The following OTUD7A variants were observed in gnomAD, a reference collection of about 807,000 sequenced individuals.
OTUD7A encodes the protein OTU domain-containing protein 7A.
OTUD7A carries 12 observed loss-of-function variants against 65.7 expected under a neutral mutation model. The observed-to-expected ratio is 0.18, with a 90% confidence interval of 0.12 to 0.30. OTUD7A has a LOEUF of 0.30. Ranked by LOEUF, OTUD7A falls within the 10% of genes least tolerant of loss-of-function variation. The pLI, the probability that OTUD7A is intolerant of heterozygous loss-of-function variation, is 1.00. For synonymous variants in OTUD7A, 641 were observed against 586.3 expected (o/e 1.09, Z -1.35); for missense variants, 1,148 against 1,304.8 (o/e 0.88, Z 1.85).
intron 3 of OTUD7A, among the ~76,000 whole-genome samples, chr15:31,625,160 G>A (rs55933426): frequency 0.031 from 4,644 of 152,180 alleles, 234 homozygotes; most frequent in African/African-American, 0.11. Flanking sequence ...CCTGCTGACC[G>A]CCAGTGAAGA....
chr15:31,592,904 AATATATATATATATATATAT>A (rs1226266359), intron 3 of OTUD7A, among the ~76,000 whole-genome samples: 14 of 59,382 alleles, frequency 2.4e-4, no homozygotes, highest in Middle Eastern at 0.019. Flanking sequence ...AAAAAAAAAA[AATATATATATATATATATAT>A]ATATATATAT....
chr15:31,528,638 T>C (rs2338679), intron 6 of OTUD7A, among the ~76,000 whole-genome samples: 68,270 of 152,170 alleles, frequency 0.45, 16,880 homozygotes, highest in African/African-American at 0.67. Flanking sequence ...TCAGCTGCCT[T>C]CTGGGACTCT....
intron 3 of OTUD7A, among the ~76,000 whole-genome samples, chr15:31,584,864 TG>T (rs771211306): frequency 6.6e-6 from 1 of 152,188 alleles, no homozygotes; most frequent in Non-Finnish European, 1.5e-5. Context: ...ATTTATCTAG[TG>T]GAGTATAGAA....
chr15:31,789,806 A>G (rs2140935920), intron 1 of OTUD7A, among the ~76,000 whole-genome samples: 1 of 151,486 alleles, frequency 6.6e-6, no homozygotes, highest in Non-Finnish European at 1.5e-5. Context: ...CCCAGGTTCA[A>G]GCGATTCTCC....
intron 1 of OTUD7A, among the ~76,000 whole-genome samples, chr15:31,833,991 C>T (rs1222914381): frequency 3.3e-5 from 5 of 152,204 alleles, no homozygotes; most frequent in Non-Finnish European, 5.9e-5. Context: ...AACAGGGAGG[C>T]CGTGGAGGGC....
At chr15:31,536,856 G>A (rs2125621) in intron 5 of OTUD7A, among the ~76,000 whole-genome samples, 40,666 of 152,004 alleles carry the variant, frequency 0.27, 6,780 homozygotes, top group East Asian at 0.68. Context: ...GGTGAGGGAC[G>A]ATGAAGAGAA....
Position 31,484,536 on chromosome 15 carries a change from C to G in OTUD7A, c.1560G>C (p.Val520=). 1 of 1,611,216 alleles carries G rather than the reference C, an allele frequency of 6.2e-7. No homozygotes were observed. Among genetic ancestry groups the G allele is most frequent in the Non-Finnish European group, 8.5e-7 (1 of 1,179,984 alleles). ...TGCTGAAGCTGCCCAGCTTGTTGGC[C>G]ACGGAGTCGGCGCGCGTCTTGTCCT... ...KEKDKTRADS[V]ANKLGSFSKT... is the part of the protein sequence containing the mutation. The change falls in exon 13 of 13, where the codon GTG becomes GTC. Residue 520 remains valine, a synonymous_variant. Coordinates refer to ENST00000307050, the MANE Select transcript of OTUD7A (RefSeq NM_001382637.1). This position sits in a 1 kb window ranked among gnomAD's most constrained non-coding sequence, Gnocchi z 4.5.
intron 1 of OTUD7A, among the ~76,000 whole-genome samples, chr15:31,811,758 C>T (rs537386251): frequency 2.6e-5 from 4 of 152,306 alleles, no homozygotes; most frequent in South Asian, 2.1e-4. Context: ...GTCTGCCATC[C>T]GCCCAGTGCC....
chr15:31,656,445 T>C (rs1452129318), intron 2 of OTUD7A, among the ~76,000 whole-genome samples: 1 of 152,226 alleles, frequency 6.6e-6, no homozygotes, highest in African/African-American at 2.4e-5. Context: ...TGGCTGCTTT[T>C]GCACCTGGCT....
intron 8 of OTUD7A, 86 bp from the exon 9 acceptor site, chr15:31,503,904 A>G (rs2041514475): frequency 7.3e-6 from 11 of 1,498,432 alleles, no homozygotes; most frequent in Non-Finnish European, 1.0e-5. Context: ...GCAGGGGCTG[A>G]GCCCTCCCCA....
intron 8 of OTUD7A, among the ~76,000 whole-genome samples, chr15:31,524,258 C>CCTTTCTA (rs1894458332): frequency 6.6e-6 from 1 of 152,126 alleles, no homozygotes; most frequent in Non-Finnish European, 1.5e-5. Flanking sequence ...TCTGTGGGGA[C>CCTTTCTA]CAGGTGGCTG....
chr15:31,548,773 A>G (rs1888219904), intron 5 of OTUD7A, among the ~76,000 whole-genome samples: 1 of 152,154 alleles, frequency 6.6e-6, no homozygotes, highest in African/African-American at 2.4e-5. Context: ...TTGTCAAAAG[A>G]GCCCAATCAA....
At chr15:31,770,765 G>A (rs982280351) in intron 1 of OTUD7A, among the ~76,000 whole-genome samples, 1 of 152,118 alleles carries the variant, frequency 6.6e-6, no homozygotes, top group Non-Finnish European at 1.5e-5. Flanking sequence ...AGAAAATAAT[G>A]ATATTATGTT....
chr15:31,723,022 G>A (rs1893783216), intron 1 of OTUD7A, among the ~76,000 whole-genome samples: 1 of 152,190 alleles, frequency 6.6e-6, no homozygotes, highest in Admixed American at 6.5e-5. Flanking sequence ...ATGACCAGCA[G>A]TCCTTCCTAC....
intron 1 of OTUD7A, among the ~76,000 whole-genome samples, chr15:31,837,530 A>G (rs1897085108): frequency 6.6e-6 from 1 of 152,180 alleles, no homozygotes; most frequent in Non-Finnish European, 1.5e-5. Context: ...TGGGTGACAG[A>G]GCAAGACTCC....
At chr15:31,846,371 T>G (rs553381648) in intron 1 of OTUD7A, among the ~76,000 whole-genome samples, 3 of 152,110 alleles carry the variant, frequency 2.0e-5, no homozygotes, top group Admixed American at 2.0e-4. Flanking sequence ...TATAAACTCT[T>G]TGGGTATGTT....
intron 3 of OTUD7A, among the ~76,000 whole-genome samples, chr15:31,610,610 TA>T (rs1566942814): frequency 2.7e-4 from 13 of 47,662 alleles, no homozygotes; most frequent in African/African-American, 7.0e-4. Context: ...TATATATATA[TA>T]TATATATTTT....
intron 1 of OTUD7A, among the ~76,000 whole-genome samples, chr15:31,801,091 C>T (rs948821386): frequency 1.3e-5 from 2 of 150,106 alleles, no homozygotes; most frequent in Admixed American, 6.6e-5. Flanking sequence ...CAGGTTTCCA[C>T]AGATCATTCT....
At position 31,475,724 on chromosome 15, in the gene OTUD7A, T is replaced by G. The variant is rs1250458563; in HGVS notation, c.*7570A>C. 1.3e-5 allele frequency: 2 copies of G among 152,226 alleles called. No individual in the cohort carries two copies. The highest frequency in any genetic ancestry group is 1.3e-4 in the Admixed American group (2 of 15,286). The allele number at this position is 152,226 out of a possible 1,614,324, so 9.4% of individuals were successfully genotyped here. ...ACCGGATTGAAAAGGATATTTGCAT[T>G]GAATTGGAATTAACACCTGCAGGTA... On this transcript the variant is annotated 3_prime_UTR_variant, in exon 13 of 13. Transcript: ENST00000307050.
Sources: gnomAD v4.1 joint callset for allele counts (sites outside exome capture counted in the v4.1 genomes callset) on GRCh38, gnomAD v4.1.1 for gene constraint, Gnocchi (gnomAD v3.1) non-coding constraint, MANE v1.5 for transcripts, NCBI Gene and HGNC (gene_info 2026-07-23, HGNC 2026-07-21) for gene names.